The following ATAT1 variants were observed in gnomAD, a reference collection of about 807,000 sequenced individuals.
ATAT1 encodes the protein alpha-tubulin N-acetyltransferase 1.
Under a neutral mutation model 57.2 loss-of-function variants are expected in ATAT1, and 42 were observed. The observed-to-expected ratio is 0.73, with a 90% CI of 0.57 to 0.95. The LOEUF is 0.95. ATAT1 is among the 40% of genes least tolerant of loss of function. The probability of loss-of-function intolerance (pLI) is 0.00; values close to 1 mark genes in which losing one functional copy is unlikely to be tolerated. For missense variants in ATAT1, 454 were observed against 523.7 expected, an observed-to-expected ratio of 0.87 and a Z score of 1.30; for synonymous variants, 168 against 187.1, an observed-to-expected ratio of 0.90 and a Z score of 0.83.
At chr6:30,631,078 G>A (rs1371326546) in intron 6 of ATAT1, among the ~76,000 whole-genome samples, 1 of 152,176 alleles carries the variant, frequency 6.6e-6, no homozygotes, top group South Asian at 2.1e-4. Context: ...ATGAGAGCAA[G>A]TAAGGGTTTG....
intron 1 of ATAT1, 167 bp from the exon 2 acceptor site, chr6:30,627,293 T>G: frequency 1.9e-6 from 3 of 1,613,652 alleles, no homozygotes; most frequent in Non-Finnish European, 2.5e-6. Flanking sequence ...GAAGTTTGGG[T>G]TTCAGAAGGG....
chr6:30,642,833 G>GGGGGCGCCCCCCCCCCCCCCCCCCCCCCC lies in ATAT1; in HGVS notation c.754_755insGGGGCGCCCCCCCCCCCCCCCCCCCCCCC (p.Ala252GlyfsTer77). 1.3e-6 allele frequency: 2 copies of GGGGGCGCCCCCCCCCCCCCCCCCCCCCCC among 1,537,876 alleles called. No homozygotes were observed. The highest frequency in any genetic ancestry group is 1.9e-5 in the Admixed American group (1 of 52,406). On this transcript the variant is annotated frameshift_variant, in exon 10 of 13. Transcript: ENST00000330083. LOFTEE classifies it high-confidence loss of function. ...GGCCCCTCGCCGCGCCACACCTCCA[G>GGGGGCGCCCCCCCCCCCCCCCCCCCCCCC]CCCACCCACCCCCCCGCTCCAGCAG...
In ATAT1 at chr6:30,627,041, A is replaced by C. The variant is rs1051470201; in HGVS notation, c.-163A>C. On this transcript the variant is annotated 5_prime_UTR_variant, in exon 1 of 13. Transcript: ENST00000330083. The stretch of plus-strand genomic sequence containing the variant: ...GGCCCTTTTCTCCCGGTTCCTCTCC[A>C]AACCTGGTCCAGGCACCACGCCCCC... The C allele has an allele frequency of 1.3e-6, 2 of 1,552,368 alleles. No individual in the cohort carries two copies. The highest frequency in any genetic ancestry group is 3.9e-5 in the Admixed American group (2 of 51,308).
chr6:30,646,320 T>A lies in ATAT1; in HGVS notation c.1056-149T>A, dbSNP rs11758851. ...TTTGGAATACGGATTCTCTGAGAGG[T>A]TTTAAATTTGGACATAGCACTAATG... On this transcript the variant is annotated intron_variant, in intron 12 of 12. Transcript: ENST00000330083. The A allele has an allele frequency of 1.9e-3, 2,757 of 1,442,176 alleles. 42 individuals carry two copies. The African/African-American group carries it at 0.034, about 18-fold the overall frequency. The allele number at this position is 1,442,176 out of a possible 1,614,324, so 89.3% of individuals were successfully genotyped here. A position where few individuals can be genotyped will look rare whatever the true frequency, so the allele number is the denominator to read the frequency against.
At chr6:30,635,126 C>A (rs1763790550) in intron 6 of ATAT1, among the ~76,000 whole-genome samples, 1 of 152,108 alleles carries the variant, frequency 6.6e-6, no homozygotes, top group Non-Finnish European at 1.5e-5. Context: ...CATTTATTTG[C>A]CTTTTTTGTC....
chr6:30,639,460 TTG>T (rs1248625213), intron 6 of ATAT1, among the ~76,000 whole-genome samples: 1 of 151,688 alleles, frequency 6.6e-6, no homozygotes, highest in African/African-American at 2.4e-5. Context: ...ATTCTGTAGA[TTG>T]TCTTTTCACT....
intron 5 of ATAT1, 30 bp from the exon 6 acceptor site, chr6:30,628,299 C>G (rs1459180397): frequency 2.5e-6 from 4 of 1,602,508 alleles, no homozygotes; most frequent in Non-Finnish European, 3.4e-6. Flanking sequence ...CCCATACTTC[C>G]TCCTACCCTG....
chr6:30,642,832 A>AGGGGGGGGGCGCG lies in ATAT1; in HGVS notation c.754_755insGGGGGGGGCGCGG (p.Ala252GlyfsTer52). 1 of 1,230,750 alleles carries AGGGGGGGGGCGCG rather than the reference A, an allele frequency of 8.1e-7. No homozygotes were observed. The highest frequency in any genetic ancestry group is 1.1e-6 in the Non-Finnish European group (1 of 892,690). 76.2% of individuals were successfully genotyped at this position (1,230,750 alleles called of 1,614,324 possible). ...GGGCCCCTCGCCGCGCCACACCTCC[A>AGGGGGGGGGCGCG]GCCCACCCACCCCCCCGCTCCAGCA... On this transcript the variant is annotated frameshift_variant, in exon 10 of 13. Transcript: ENST00000330083. LOFTEE classifies it high-confidence loss of function.
At position 30,642,832 on chromosome 6, in the gene ATAT1, A is replaced by ATC; in HGVS notation, c.753_754insTC (p.Ala252SerfsTer68). 1 of 1,230,750 alleles carries ATC rather than the reference A, an allele frequency of 8.1e-7. No homozygotes were observed. 76.2% of individuals were successfully genotyped at this position (1,230,750 alleles called of 1,614,324 possible). A position where few individuals can be genotyped will look rare whatever the true frequency, so the allele number is the denominator to read the frequency against. On this transcript the variant is annotated frameshift_variant, in exon 10 of 13. Transcript: ENST00000330083. LOFTEE classifies it high-confidence loss of function. Reference sequence around the variant, plus strand: ...GGGCCCCTCGCCGCGCCACACCTCCAGCCCACCCACCCCCCCGCTCCAGCA... The same window carrying ATC: ...GGGCCCCTCGCCGCGCCACACCTCCATCGCCCACCCACCCCCCCGCTCCAGCA...
At chr6:30,643,217 C>T in intron 10 of ATAT1, 1 of 1,426,472 alleles carries the variant, frequency 7.0e-7, no homozygotes, top group Non-Finnish European at 9.1e-7. Context: ...TATATGGAGC[C>T]TAGGGACCCT....
At chr6:30,642,393 AGCACTTTGAGAGGCTAAG>A (rs1323627858) in intron 9 of ATAT1, 146 bp downstream of exon 9, 2 of 1,188,014 alleles carry the variant, frequency 1.7e-6, no homozygotes, top group African/African-American at 3.1e-5. Context: ...CTGTAATCCC[AGCACTTTGAGAGGCTAAG>A]GCAGGCAGAT....
At chr6:30,643,588 G>A (rs1485431289) in intron 10 of ATAT1, 1 of 1,550,414 alleles carries the variant, frequency 6.4e-7, no homozygotes, top group Non-Finnish European at 8.7e-7. Flanking sequence ...TGCCCTGGGA[G>A]ACCTGGGGTG....
chr6:30,630,443 C>G (rs1415062514), intron 6 of ATAT1, among the ~76,000 whole-genome samples: 1 of 151,954 alleles, frequency 6.6e-6, no homozygotes, highest in Non-Finnish European at 1.5e-5. Flanking sequence ...TGAGACCAGC[C>G]TGGTCAACAT....
chr6:30,640,139 CAAA>C (rs34579562), intron 6 of ATAT1, among the ~76,000 whole-genome samples: 1 of 124,810 alleles, frequency 8.0e-6, no homozygotes, highest in Non-Finnish European at 1.7e-5. Context: ...CTCTGCCTCT[CAAA>C]AAAAAAAAAA....
At chr6:30,644,187 C>A (rs1278606083) in intron 10 of ATAT1, 2 of 985,706 alleles carry the variant, frequency 2.0e-6, no homozygotes, top group Non-Finnish European at 2.4e-6. Flanking sequence ...GAACCCCAAA[C>A]TGGTGTTGCT....
rs1761850952 is a variant in ATAT1, at chr6:30,627,196, A to G, written c.-8A>G. The G allele has an allele frequency of 1.9e-6, 3 of 1,613,950 alleles. No homozygotes were observed. Among genetic ancestry groups the G allele is most frequent in the Middle Eastern group, 1.6e-4 (1 of 6,062 alleles). ...TTCACCCCGGGCCCAAAATGTCCCA[A>G]TCAAAGGATGTGGTTGACCTGGCCT... On this transcript the variant is annotated 5_prime_UTR_variant, in exon 1 of 13. Transcript: ENST00000330083.
At chr6:30,630,465 G>A (rs1157120781) in intron 6 of ATAT1, among the ~76,000 whole-genome samples, 2 of 152,064 alleles carry the variant, frequency 1.3e-5, no homozygotes, top group African/African-American at 2.4e-5. Context: ...GTAAAACCCC[G>A]TCTCTATTAA....
chr6:30,639,135 C>T (rs1441701515), intron 6 of ATAT1, among the ~76,000 whole-genome samples: 1 of 152,130 alleles, frequency 6.6e-6, no homozygotes, highest in Non-Finnish European at 1.5e-5. Context: ...TGCACACTGC[C>T]ATGCCTGGCT....
chr6:30,640,625 T>G lies in ATAT1; in HGVS notation c.616+22T>G, dbSNP rs937287130. The G allele has an allele frequency of 5.0e-6, 8 of 1,611,392 alleles. No individual in the cohort carries two copies. In the African/African-American group the frequency reaches 9.4e-5, roughly 19 times the overall value. ...GCTGGTAAAGCCTGTATTGAAGGGGTGGAACTGTAGTGCAGTGATGGCTAC... is the reference window on the plus strand; with the variant it reads ...GCTGGTAAAGCCTGTATTGAAGGGGGGGAACTGTAGTGCAGTGATGGCTAC... On this transcript the variant is annotated intron_variant, in intron 8 of 12. Coordinates refer to ENST00000330083, the MANE Select transcript of ATAT1 (RefSeq NM_001031722.4).
Sources: gnomAD v4.1 joint callset for allele counts (sites outside exome capture counted in the v4.1 genomes callset) on GRCh38, gnomAD v4.1.1 for gene constraint, MANE v1.5 for transcripts, NCBI Gene and HGNC (gene_info 2026-07-23, HGNC 2026-07-21) for gene names.